The following ANO4 variants were observed in gnomAD, a reference collection of about 807,000 sequenced individuals.
ANO4 encodes the protein anoctamin-4.
A neutral mutation model predicts 141.9 loss-of-function variants in ANO4; 69 were observed. The ratio of observed to expected loss-of-function variants is 0.49; its 90% confidence interval spans 0.40 to 0.59. ANO4 has a LOEUF of 0.59. ANO4 is among the 20% of genes least tolerant of loss of function. The pLI is 0.00. For synonymous variants in ANO4, 350 were observed against 394.3 expected (o/e 0.89, Z 1.33); for missense variants, 894 against 1,162.2 (o/e 0.77, Z 3.36).
intron 1 of ANO4, among the ~76,000 whole-genome samples, chr12:100,818,351 A>G (rs574086924): frequency 6.6e-6 from 1 of 151,984 alleles, no homozygotes; most frequent in East Asian, 1.9e-4. Context: ...TTTATGTTTA[A>G]TAAAGGGAAT....
chr12:101,075,136 A>T (rs747302414), intron 14 of ANO4, among the ~76,000 whole-genome samples: 31 of 152,184 alleles, frequency 2.0e-4, no homozygotes, highest in Non-Finnish European at 3.8e-4. Flanking sequence ...GCTAAACCTG[A>T]AAGTGAGGGT....
intron 9 of ANO4, among the ~76,000 whole-genome samples, chr12:101,029,429 G>A (rs1248702494): frequency 1.3e-5 from 2 of 152,074 alleles, no homozygotes; most frequent in Non-Finnish European, 2.9e-5. Flanking sequence ...GTATTCAGGA[G>A]ACCCATCTCA....
intron 8 of ANO4, among the ~76,000 whole-genome samples, chr12:101,012,900 T>C (rs563542255): frequency 2.0e-5 from 3 of 152,038 alleles, no homozygotes; most frequent in Non-Finnish European, 4.4e-5. Flanking sequence ...AGAGAGAGGG[T>C]CAAGGATGCA....
chr12:100,734,491 A>G (rs2031521988), intron 2 of ANO4, among the ~76,000 whole-genome samples: 1 of 152,244 alleles, frequency 6.6e-6, no homozygotes, highest in East Asian at 1.9e-4. Context: ...AGAAAAGTGA[A>G]GATAATAGCT....
chr12:100,985,748 C>A (rs1363641021), intron 7 of ANO4, among the ~76,000 whole-genome samples: 3 of 152,126 alleles, frequency 2.0e-5, no homozygotes, highest in Non-Finnish European at 4.4e-5. Context: ...CACCACCAAG[C>A]AGAGTTGGGA....
At chr12:100,768,233 G>A (rs192959723) in intron 3 of ANO4, among the ~76,000 whole-genome samples, 36 of 152,338 alleles carry the variant, frequency 2.4e-4, no homozygotes, top group Admixed American at 9.2e-4. Flanking sequence ...AGCCAAGTTG[G>A]GTGCCCACTT....
At chr12:100,873,484 A>G (rs1361390653) in intron 1 of ANO4, among the ~76,000 whole-genome samples, 1 of 152,214 alleles carries the variant, frequency 6.6e-6, no homozygotes, top group Admixed American at 6.5e-5. Context: ...TACACTAGGA[A>G]AGAGGTTGGA....
At chr12:101,096,720 A>G (rs2049999275) in intron 19 of ANO4, 73 bp downstream of exon 19, 1 of 1,122,826 alleles carries the variant, frequency 8.9e-7, no homozygotes, top group East Asian at 2.4e-5. Flanking sequence ...TCGTGGGGAC[A>G]GAGAAGCCCT....
At chr12:100,969,816 A>G (rs1358724632) in intron 5 of ANO4, among the ~76,000 whole-genome samples, 2 of 152,246 alleles carry the variant, frequency 1.3e-5, no homozygotes, top group Non-Finnish European at 2.9e-5. Flanking sequence ...TGCAGTCCAG[A>G]TCAATCCTAT....
chr12:100,946,244 T>G (rs2042714680), intron 5 of ANO4, among the ~76,000 whole-genome samples: 2 of 152,188 alleles, frequency 1.3e-5, no homozygotes, highest in Admixed American at 6.5e-5. Context: ...GGATGTTAGC[T>G]TTTCTCTGAG....
chr12:100,768,463 G>A (rs560415025), intron 3 of ANO4, among the ~76,000 whole-genome samples: 2 of 152,234 alleles, frequency 1.3e-5, no homozygotes, highest in South Asian at 2.1e-4. Flanking sequence ...TCTTTGGGGG[G>A]ACCAGCACTG....
intron 17 of ANO4, among the ~76,000 whole-genome samples, chr12:101,091,373 C>T (rs551293352): frequency 4.6e-5 from 7 of 152,228 alleles, no homozygotes; most frequent in East Asian, 1.9e-4. Flanking sequence ...GTCTCATCCC[C>T]GCACACACAT....
intron 22 of ANO4, among the ~76,000 whole-genome samples, chr12:101,104,605 GTGTGTGTGTGTATGTA>G (rs1178386177): frequency 0.053 from 4,348 of 81,278 alleles, 145 homozygotes; most frequent in African/African-American, 0.12. Flanking sequence ...GTGTGTGTGT[GTGTGTGTGTGTATGTA>G]TGTGTGTATA....
chr12:100,816,385 A>AT (rs1180682549), intron 1 of ANO4, among the ~76,000 whole-genome samples: 1 of 152,080 alleles, frequency 6.6e-6, no homozygotes, highest in Non-Finnish European at 1.5e-5. Context: ...GTGGTCCATT[A>AT]TCAGTTGAGA....
At chr12:101,122,281 G>A (rs2051128875) in intron 26 of ANO4, among the ~76,000 whole-genome samples, 1 of 152,110 alleles carries the variant, frequency 6.6e-6, no homozygotes, top group Admixed American at 6.5e-5. Context: ...TACAGATTCT[G>A]GGTATTAGAC....
chr12:100,855,749 A>T (rs543869835), intron 1 of ANO4, among the ~76,000 whole-genome samples: 61 of 152,312 alleles, frequency 4.0e-4, no homozygotes, highest in Middle Eastern at 3.4e-3. Flanking sequence ...TTCTCATTTT[A>T]CAGTGACATT....
intron 1 of ANO4, among the ~76,000 whole-genome samples, chr12:100,836,641 G>C (rs1377918552): frequency 6.6e-6 from 1 of 151,950 alleles, no homozygotes; most frequent in South Asian, 2.1e-4. Flanking sequence ...GAACCTACAG[G>C]AAAGAGGAGG....
chr12:101,104,355 A>G (rs1257309598), intron 22 of ANO4, among the ~76,000 whole-genome samples: 1 of 151,342 alleles, frequency 6.6e-6, no homozygotes, highest in East Asian at 1.9e-4. Flanking sequence ...TCAGAGCTAT[A>G]ATGTTCTCTA....
intron 2 of ANO4, among the ~76,000 whole-genome samples, chr12:100,920,806 T>C (rs1592720496): frequency 6.6e-6 from 1 of 152,308 alleles, no homozygotes; most frequent in East Asian, 1.9e-4. Flanking sequence ...TCTGTCTCTA[T>C]ATAAATGCCA....
Sources: allele counts gnomAD v4.1 joint callset (sites outside exome capture counted in the v4.1 genomes callset), GRCh38; gene constraint gnomAD v4.1.1; transcripts MANE v1.5; gene names NCBI Gene and HGNC (gene_info 2026-07-23, HGNC 2026-07-21).